Variants in MYO1C observed in about 807,000 individuals in gnomAD.
MYO1C encodes myosin IC, also known as unconventional myosin-Ic.
In MYO1C, 104 loss-of-function variants were observed where a neutral mutation model predicts 150.8. The observed-to-expected ratio is 0.69, with a 90% confidence interval of 0.59 to 0.81. The LOEUF is 0.81. Ranked by LOEUF, MYO1C falls within the 30% of genes least tolerant of loss-of-function variation. The pLI is 0.00. For missense variants in MYO1C, 1,504 were observed against 1,435.0 expected (o/e 1.05, Z -0.78); for synonymous variants, 663 against 579.9 (o/e 1.14, Z -2.06).
chr17:1,481,223 T>G (rs990708142), intron 5 of MYO1C: 1 of 323,082 alleles, frequency 3.1e-6, no homozygotes, highest in African/African-American at 2.1e-5. Context: ...GACTACATCC[T>G]TCTCGTTGTT....
intron 1 of MYO1C, chr17:1,485,336 A>G: frequency 1.7e-6 from 1 of 585,686 alleles, no homozygotes; most frequent in South Asian, 5.1e-5. Context: ...GTGTCCTCTG[A>G]CCACGAAAGG....
chr17:1,485,365 G>GCGTCACTCAGGGCCCGGCCGGGT, intron 1 of MYO1C: 1 of 1,093,240 alleles, frequency 9.1e-7, no homozygotes, highest in Non-Finnish European at 1.1e-6. Flanking sequence ...TCTGGCCGGG[G>GCGTCACTCAGGGCCCGGCCGGGT]GCCTGCCCCT....
At chr17:1,482,055 A>AT (rs931786120) in intron 5 of MYO1C, among the ~76,000 whole-genome samples, 14 of 150,910 alleles carry the variant, frequency 9.3e-5, no homozygotes, top group Non-Finnish European at 1.6e-4. Flanking sequence ...ATTATTTTCT[A>AT]TTTTTTTTAG....
In MYO1C at chr17:1,479,736, TGA is replaced by T; in HGVS notation, c.907-33_907-32del. On this transcript the variant is annotated intron_variant, in intron 7 of 31. Transcript: ENST00000648651. The surrounding 1 kb of genome is among the most constrained non-coding windows in gnomAD (Gnocchi z 4.2). ...GGAGCAGGCCGGGGGCAGGAGGGGG[TGA>T]GAGGGGCCAGAGAGCCCCAAGAGGG... 6.5e-7 allele frequency: 1 copy of T among 1,540,348 alleles called. No individual in the cohort carries two copies. The highest frequency in any genetic ancestry group is 8.9e-7 in the Non-Finnish European group (1 of 1,127,370).
At position 1,483,672 on chromosome 17, in the gene MYO1C, G is replaced by T; in HGVS notation, c.285C>A (p.Ile95=). The change falls in exon 3 of 32, where the codon ATC becomes ATA. Residue 95 remains isoleucine (I), a synonymous_variant. Transcript: ENST00000648651. ...AACGCTCCATATGCTGCCGGCTGTA[G>T]ATCTGCAGGTCCCGGTAGGGATTGA... is the stretch of plus-strand genomic sequence containing the variant. ...VSVNPYRDLQ[I]YSRQHMERYR... 1.2e-6 allele frequency: 2 copies of T among 1,613,366 alleles called. No individual in the cohort carries two copies. The highest frequency in any genetic ancestry group is 1.3e-5 in the African/African-American group (1 of 75,022).
intron 23 of MYO1C, 47 bp downstream of exon 23, chr17:1,470,388 C>G: frequency 6.5e-7 from 1 of 1,546,030 alleles, no homozygotes. Context: ...GGTGAACCAC[C>G]CCCCACGCCC....
chr17:1,481,555 C>A (rs1396056957), intron 5 of MYO1C, among the ~76,000 whole-genome samples: 1 of 152,034 alleles, frequency 6.6e-6, no homozygotes, highest in Admixed American at 6.6e-5. Context: ...GGCTGGAGTG[C>A]AGTAGTGCAA....
chr17:1,484,564 C>T, intron 1 of MYO1C: 1 of 585,896 alleles, frequency 1.7e-6, no homozygotes. Flanking sequence ...AGAACAGAGA[C>T]AACATGAACC....
intron 25 of MYO1C, 72 bp from the exon 26 acceptor site, chr17:1,468,568 A>T (rs2074231660): frequency 7.8e-7 from 1 of 1,279,676 alleles, no homozygotes; most frequent in African/African-American, 1.5e-5. Flanking sequence ...AGCCAGCCTT[A>T]GGACCTGAGA....
chr17:1,474,758 G>T lies in MYO1C; in HGVS notation c.1716+54C>A. ...GCAGGACAGGCTCCTGGACACAGGTGCAGAGCTGTGGGCTATCCCCACCCC... is the reference window on the plus strand; with the variant it reads ...GCAGGACAGGCTCCTGGACACAGGTTCAGAGCTGTGGGCTATCCCCACCCC... On this transcript the variant is annotated intron_variant, in intron 16 of 31. Transcript: ENST00000648651. The T allele has an allele frequency of 1.9e-6, 3 of 1,611,424 alleles. No individual in the cohort carries two copies. The South Asian group carries it at 3.3e-5, about 18-fold the overall frequency.
At chr17:1,488,511 A>G (rs2074694015) in intron 1 of MYO1C, among the ~76,000 whole-genome samples, 1 of 152,230 alleles carries the variant, frequency 6.6e-6, no homozygotes. Context: ...GACGCCAGCC[A>G]AGCCGTGAGG....
At chr17:1,468,652 C>A in intron 25 of MYO1C, 156 bp from the exon 26 acceptor site, 1 of 655,214 alleles carries the variant, frequency 1.5e-6, no homozygotes, top group Non-Finnish European at 2.7e-6. Context: ...CCCACACGCC[C>A]ATCAACCCTC....
chr17:1,470,868 G>T, intron 21 of MYO1C, 179 bp from the exon 22 acceptor site: 1 of 899,998 alleles, frequency 1.1e-6, no homozygotes, highest in Non-Finnish European at 1.8e-6. Context: ...GCGGCGGGTG[G>T]GATGGTGGGC....
chr17:1,485,514 G>A (rs1037326533), intron 1 of MYO1C: 2 of 575,260 alleles, frequency 3.5e-6, no homozygotes, highest in East Asian at 7.3e-5. Context: ...ATCCGGCCCC[G>A]GGTCCGAGCG....
chr17:1,478,594 G>A lies in MYO1C; in HGVS notation c.1212+22C>T, dbSNP rs1470991904. On this transcript the variant is annotated intron_variant, in intron 10 of 31. Coordinates refer to ENST00000648651, the MANE Select transcript of MYO1C (RefSeq NM_001080779.2). This position sits in a 1 kb window ranked among gnomAD's most constrained non-coding sequence, Gnocchi z 6.3. ...GACGGCCCTCCCTTCTGCCTTGGGAGCAGTGTGGACCGAGCCCTCACCTTG... is the reference window on the plus strand; with the variant it reads ...GACGGCCCTCCCTTCTGCCTTGGGAACAGTGTGGACCGAGCCCTCACCTTG... 5.6e-6 allele frequency: 9 copies of A among 1,613,894 alleles called. No homozygotes were observed. In the African/African-American group the frequency reaches 1.1e-4, roughly 19 times the overall value.
In MYO1C at chr17:1,470,197, G is replaced by C. The variant is rs767907001; in HGVS notation, c.2504C>G (p.Thr835Arg). ...GACCTCACGCAGGGCAGGTGGGGGC[G>C]TGGGCCACGAGGTGTCCAGGACATT... ...PQNVLDTSWP[T>R]PPPALREASE... The change falls in exon 24 of 32, where the codon ACG becomes AGG. Residue 835 changes from threonine to arginine, a missense_variant. Transcript: ENST00000648651. The C allele has an allele frequency of 1.9e-6, 3 of 1,611,158 alleles. No homozygotes were observed. The highest frequency in any genetic ancestry group is 3.3e-5 in the Admixed American group (2 of 59,886).
chr17:1,485,335 G>A (rs940930707), intron 1 of MYO1C: 2 of 1,121,886 alleles, frequency 1.8e-6, no homozygotes, highest in South Asian at 4.2e-5. Flanking sequence ...GGTGTCCTCT[G>A]ACCACGAAAG....
chr17:1,483,611 G>A lies in MYO1C; in HGVS notation c.346C>T (p.Leu116=). 1 of 1,606,668 alleles carries A rather than the reference G, an allele frequency of 6.2e-7. No homozygotes were observed. Residue 116 remains leucine, a splice_region_variant and synonymous_variant, in exon 3 of 32, where the codon CTG becomes TTG. Transcript: ENST00000648651. The part of the protein sequence containing the change: ...GVSFYEVPPH[L]FAVADTVYRA... The stretch of plus-strand genomic sequence containing the variant: ...CCCGGAGGGGCTGGGGTCACTCACA[G>A]GTGAGGGGGCACTTCATAGAAGCTG...
chr17:1,480,422 T>A, intron 7 of MYO1C, 105 bp downstream of exon 7: 1 of 1,025,724 alleles, frequency 9.7e-7, no homozygotes, highest in Non-Finnish European at 1.5e-6. Context: ...CACTCCAGCC[T>A]GGGCAACAAG....
Sources: gnomAD v4.1 joint callset for allele counts (sites outside exome capture counted in the v4.1 genomes callset) on GRCh38, gnomAD v4.1.1 for gene constraint, Gnocchi (gnomAD v3.1) non-coding constraint, MANE v1.5 for transcripts, NCBI Gene and HGNC (gene_info 2026-07-23, HGNC 2026-07-21) for gene names.